EIF2AK4: variants seen among roughly 807,000 people sequenced by gnomAD.
The protein encoded by EIF2AK4 is eIF-2-alpha kinase GCN2.
EIF2AK4 carries 139 observed loss-of-function variants against 211.1 expected under a neutral mutation model. The ratio of observed to expected loss-of-function variants is 0.66; its 90% confidence interval spans 0.57 to 0.76. EIF2AK4 has a LOEUF of 0.76. Ranked by LOEUF, EIF2AK4 falls within the 30% of genes least tolerant of loss-of-function variation. EIF2AK4 has a pLI of 0.00. For synonymous variants in EIF2AK4, 710 were observed against 751.3 expected, an observed-to-expected ratio of 0.94 and a Z score of 0.90; for missense variants, 1,664 against 2,043.8, an observed-to-expected ratio of 0.81 and a Z score of 3.58.
chr15:39,986,001 C>A, intron 14 of EIF2AK4, 113 bp downstream of exon 14: 1 of 853,936 alleles, frequency 1.2e-6, no homozygotes, highest in Non-Finnish European at 1.8e-6. Context: ...TTGCCACTAC[C>A]AAAGATTAAT....
intron 6 of EIF2AK4, among the ~76,000 whole-genome samples, chr15:39,959,377 C>T (rs937143741): frequency 6.6e-6 from 1 of 152,200 alleles, no homozygotes; most frequent in African/African-American, 2.4e-5. Context: ...TTGCATTTGT[C>T]TCTTTATTCC....
In EIF2AK4 at chr15:39,967,598, G is replaced by A. The variant is rs1247515033; in HGVS notation, c.1272G>A (p.Lys424=). Residue 424 remains lysine, a synonymous_variant, in exon 9 of 39, where the codon AAG becomes AAA. Coordinates refer to ENST00000263791, the MANE Select transcript of EIF2AK4 (RefSeq NM_001013703.4). ...TGCACAGCAATTCTGTGGTGCATAA[G>A]GTCCTGAGTGCATCTAATGTCTTGG... ...DYLHSNSVVH[K]VLSASNVLVD... The A allele has an allele frequency of 1.2e-6, 2 of 1,613,942 alleles. No individual in the cohort carries two copies. Among genetic ancestry groups the A allele is most frequent in the South Asian group, 1.1e-5 (1 of 91,076 alleles).
At chr15:40,016,789 CT>C (rs1455439651) in intron 28 of EIF2AK4, 117 bp downstream of exon 28, 2 of 1,331,126 alleles carry the variant, frequency 1.5e-6, no homozygotes, top group South Asian at 1.5e-5. Flanking sequence ...AGAAAAACTG[CT>C]TTCTGTGTTT....
At chr15:40,028,763 G>C (rs1262955418) in intron 33 of EIF2AK4, among the ~76,000 whole-genome samples, 1 of 152,192 alleles carries the variant, frequency 6.6e-6, no homozygotes, top group Non-Finnish European at 1.5e-5. Context: ...CAGAGGTTTA[G>C]AAGAGAAACC....
intron 6 of EIF2AK4, among the ~76,000 whole-genome samples, chr15:39,961,035 C>G (rs1470240780): frequency 6.6e-6 from 1 of 152,146 alleles, no homozygotes; most frequent in Non-Finnish European, 1.5e-5. Context: ...CTTGCCTCTT[C>G]CCTGCAACCC....
rs746773845 is a variant in EIF2AK4, at chr15:39,934,208, C to G, written c.13C>G (p.Arg5Gly). MAGG[R>G]GAPGRGRDEP... ...GCGCAGCGCTGCCATGGCTGGGGGC[C>G]GTGGGGCCCCCGGGCGCGGCCGGGA... Residue 5 changes from arginine to glycine, a missense_variant, in exon 1 of 39, where the codon CGT becomes GGT. By Grantham distance (125) the Arg-to-Gly change is moderately radical (BLOSUM62 -2). Around this residue, in one of 7 missense-constraint regions of EIF2AK4, gnomAD observed 641 missense variants for 729.6 expected, o/e 0.88. Transcript: ENST00000263791. 1.3e-5 allele frequency: 20 copies of G among 1,573,156 alleles called. No individual in the cohort carries two copies. The African/African-American group carries it at 2.7e-4, about 21-fold the overall frequency.
chr15:39,952,551 C>G (rs188334171), intron 4 of EIF2AK4, among the ~76,000 whole-genome samples: 1 of 152,264 alleles, frequency 6.6e-6, no homozygotes, highest in East Asian at 1.9e-4. Context: ...GTTAGGATTA[C>G]AGGCATGAGC....
At chr15:39,943,902 C>T (rs1228704030) in intron 3 of EIF2AK4, among the ~76,000 whole-genome samples, 1 of 152,008 alleles carries the variant, frequency 6.6e-6, no homozygotes, top group Admixed American at 6.6e-5. Flanking sequence ...TTACAGTGAG[C>T]TATGATCACA....
rs182011676 is a variant in EIF2AK4 at position 40,016,609 on chromosome 15, G to C, written c.3867G>C (p.Lys1289Asn). 1 of 1,614,226 alleles carries C rather than the reference G, an allele frequency of 6.2e-7. No homozygotes were observed. The change falls in exon 28 of 39, where the codon AAG (lysine) becomes AAC (asparagine). Residue 1289 changes from lysine (K) to asparagine (N), a missense_variant. By Grantham distance (94) the Lys-to-Asn change is moderately conservative. Around this residue, in one of 7 missense-constraint regions of EIF2AK4, gnomAD observed 622 missense variants for 796.8 expected, o/e 0.78. Transcript: ENST00000263791. ...KQKTGIAQLV[K>N]YGLKDLEEVV... is the part of the protein sequence containing the mutation. ...AAACAGGTATTGCACAGTTGGTGAA[G>C]TATGGCTTAAAAGACCTAGAGGAGG...
At chr15:40,034,870 T>C (rs2035593755) in intron 38 of EIF2AK4, among the ~76,000 whole-genome samples, 157 bp from the exon 39 acceptor site, 1 of 152,232 alleles carries the variant, frequency 6.6e-6, no homozygotes, top group Admixed American at 6.5e-5. Flanking sequence ...CCCCTGTCAG[T>C]CACACCTTGT....
rs1193810890 is a variant in EIF2AK4 at position 39,955,023 on chromosome 15, G to T, written c.595-597G>T. Among the ~76,000 whole-genome samples the T allele has an allele frequency of 2.0e-5, 3 of 152,248 alleles. No individual in the cohort carries two copies. The East Asian group carries it at 5.8e-4, about 29-fold the overall frequency. On this transcript the variant is annotated intron_variant, in intron 5 of 38. Transcript: ENST00000263791. ...AATTACCTCCACAGATAAGTGTACT[G>T]CCCTATGTGAAACTAAACCTGCGTA...
At chr15:40,033,591 G>A (rs2035571912) in intron 37 of EIF2AK4, among the ~76,000 whole-genome samples, 1 of 152,114 alleles carries the variant, frequency 6.6e-6, no homozygotes, top group African/African-American at 2.4e-5. Flanking sequence ...GATTAATAGT[G>A]AACTTAGCCC....
Position 39,990,325 on chromosome 15 carries a change from A to C in EIF2AK4, c.2579A>C (p.Asp860Ala), listed in dbSNP as rs773738278. The stretch of plus-strand genomic sequence containing the variant: ...GTCAACATTTTTTTGGATTCTGATG[A>C]CCATGTGAAAATAGGTGATTTTGGT... ...KPVNIFLDSD[D>A]HVKIGDFGLA... The change falls in exon 16 of 39, where the codon GAC becomes GCC. Residue 860 changes from aspartate (D) to alanine (A), a missense_variant. Physicochemically the swap from Asp to Ala is moderately radical, Grantham distance 126. Transcript: ENST00000263791. The C allele has an allele frequency of 3.7e-6, 6 of 1,614,092 alleles. No individual in the cohort carries two copies. The South Asian group carries it at 6.6e-5, about 18-fold the overall frequency.
At chr15:39,983,559 C>T (rs1020388712) in intron 13 of EIF2AK4, among the ~76,000 whole-genome samples, 1 of 152,170 alleles carries the variant, frequency 6.6e-6, no homozygotes, top group Non-Finnish European at 1.5e-5. Flanking sequence ...TCTCCTGCCT[C>T]AGCCTCCCAA....
chr15:40,008,910 C>T (rs2035198453), intron 25 of EIF2AK4, among the ~76,000 whole-genome samples: 1 of 152,194 alleles, frequency 6.6e-6, no homozygotes, highest in Admixed American at 6.5e-5. Context: ...TGGCTCACCA[C>T]TCGGTGAATA....
At chr15:39,999,854 C>T (rs1392176957) in intron 20 of EIF2AK4, among the ~76,000 whole-genome samples, 1 of 152,114 alleles carries the variant, frequency 6.6e-6, no homozygotes, top group African/African-American at 2.4e-5. Context: ...TTTGGTGTTT[C>T]CCCTTGTTGA....
intron 3 of EIF2AK4, among the ~76,000 whole-genome samples, chr15:39,944,432 C>CTTTTTTT (rs55669603): frequency 0.027 from 3,321 of 120,888 alleles, 223 homozygotes; most frequent in African/African-American, 0.077. Flanking sequence ...TTAACGATCT[C>CTTTTTTT]TTTTTTTTTT....
At chr15:40,034,910 G>A (rs2035594313) in intron 38 of EIF2AK4, 117 bp from the exon 39 acceptor site, 1 of 703,316 alleles carries the variant, frequency 1.4e-6, no homozygotes, top group Admixed American at 2.5e-5. Flanking sequence ...TTAATGACTA[G>A]CCTTCCATCT....
intron 25 of EIF2AK4, among the ~76,000 whole-genome samples, chr15:40,009,405 G>T (rs1222643744): frequency 6.6e-6 from 1 of 151,470 alleles, no homozygotes; most frequent in East Asian, 1.9e-4. Context: ...GAGTACTTTG[G>T]ATATATATAA....
Sources: allele counts gnomAD v4.1 joint callset (sites outside exome capture counted in the v4.1 genomes callset), GRCh38; gene constraint gnomAD v4.1.1; regional missense constraint gnomAD v4.1.1; transcripts MANE v1.5; gene names NCBI Gene and HGNC (gene_info 2026-07-23, HGNC 2026-07-21).